TPD52: variants seen among roughly 807,000 people sequenced by gnomAD.
TPD52 encodes tumor protein D52, also known as prostate and colon associated protein.
In TPD52, 17 loss-of-function variants were observed where a neutral mutation model predicts 31.3. That is an observed-to-expected ratio of 0.54 (90% CI 0.37 to 0.82). The LOEUF (loss-of-function observed/expected upper bound fraction) is 0.82. TPD52 is among the 40% of genes least tolerant of loss of function. TPD52 has a pLI of 0.00. For synonymous variants in TPD52, 83 were observed against 89.6 expected (o/e 0.93, Z 0.42); for missense variants, 212 against 240.1 (o/e 0.88, Z 0.77).
At chr8:80,130,024 C>A (rs1385905610) in intron 1 of TPD52, among the ~76,000 whole-genome samples, 1 of 152,140 alleles carries the variant, frequency 6.6e-6, no homozygotes, top group African/African-American at 2.4e-5. Context: ...AAATGATCAT[C>A]CTGGATAAGA....
chr8:80,042,498 A>C, intron 7 of TPD52, 122 bp downstream of exon 7: 1 of 1,473,134 alleles, frequency 6.8e-7, no homozygotes, highest in Non-Finnish European at 9.0e-7. Flanking sequence ...TAAGGAGTAA[A>C]GTTATTTACA....
At chr8:80,136,340 C>T (rs369209515) in intron 1 of TPD52, among the ~76,000 whole-genome samples, 4 of 150,562 alleles carry the variant, frequency 2.7e-5, no homozygotes, top group South Asian at 2.1e-4. Context: ...CTGGCTAACA[C>T]GGTGAAACCC....
intron 2 of TPD52, among the ~76,000 whole-genome samples, chr8:80,058,941 T>C (rs1391594362): frequency 6.6e-6 from 1 of 152,162 alleles, no homozygotes; most frequent in Non-Finnish European, 1.5e-5. Flanking sequence ...TAGAGACGAC[T>C]TGAACAATAC....
chr8:80,065,427 C>G (rs970405774), intron 1 of TPD52, among the ~76,000 whole-genome samples: 1 of 151,910 alleles, frequency 6.6e-6, no homozygotes, highest in Non-Finnish European at 1.5e-5. Context: ...CGCACCCATT[C>G]CCCTTGGAAC....
intron 1 of TPD52, among the ~76,000 whole-genome samples, chr8:80,090,712 A>G (rs978837365): frequency 2.6e-5 from 4 of 152,168 alleles, no homozygotes; most frequent in Admixed American, 6.5e-5. Flanking sequence ...AAGAAAGAAA[A>G]AAAAAAAAAC....
intron 1 of TPD52, among the ~76,000 whole-genome samples, chr8:80,068,893 CT>C (rs2130729561): frequency 6.6e-6 from 1 of 152,318 alleles, no homozygotes; most frequent in East Asian, 1.9e-4. Flanking sequence ...TGGTTATCAC[CT>C]GCAAACATGC....
intron 1 of TPD52, among the ~76,000 whole-genome samples, chr8:80,128,551 C>T (rs1808797743): frequency 6.7e-6 from 1 of 149,844 alleles, no homozygotes; most frequent in South Asian, 2.1e-4. Flanking sequence ...TTCTCAGCTA[C>T]TCAGGAGGCT....
At chr8:80,143,679 G>A (rs1377029789) in intron 1 of TPD52, among the ~76,000 whole-genome samples, 1 of 152,114 alleles carries the variant, frequency 6.6e-6, no homozygotes, top group East Asian at 1.9e-4. Flanking sequence ...GCGACCAACT[G>A]ATCAATCAAA....
At chr8:80,162,129 G>T (rs1252579635) in intron 1 of TPD52, among the ~76,000 whole-genome samples, 1 of 152,118 alleles carries the variant, frequency 6.6e-6, no homozygotes, top group African/African-American at 2.4e-5. Flanking sequence ...TAGCCTGTCT[G>T]AAATCACTAT....
intron 1 of TPD52, among the ~76,000 whole-genome samples, chr8:80,082,320 T>C (rs1306579701): frequency 4.6e-5 from 7 of 152,188 alleles, no homozygotes; most frequent in Admixed American, 6.5e-5. Context: ...AGGAAAGGCA[T>C]TGGAGTTATG....
Position 80,037,973 on chromosome 8 carries a change from C to T in TPD52, c.*143G>A, listed in dbSNP as rs1810024487. The T allele has an allele frequency of 8.6e-7, 1 of 1,169,204 alleles. No individual in the cohort carries two copies. Among genetic ancestry groups the T allele is most frequent in the East Asian group, 2.4e-5 (1 of 41,936 alleles). The allele number at this position is 1,169,204 out of a possible 1,614,324, so 72.4% of individuals were successfully genotyped here. On this transcript the variant is annotated 3_prime_UTR_variant, in exon 8 of 8. Coordinates refer to ENST00000518937, the MANE Select transcript of TPD52 (RefSeq NM_001025253.3). ...GTGAAGATATTTTCATTTTGTTTAA[C>T]CCACAAACTATTTGGTCAAAGGAAT...
intron 1 of TPD52, among the ~76,000 whole-genome samples, chr8:80,117,720 C>CT (rs891040790): frequency 1.5e-5 from 2 of 135,680 alleles, no homozygotes; most frequent in African/African-American, 2.9e-5. Flanking sequence ...CTCATGCTTT[C>CT]TTTTTTTTTC....
chr8:80,100,508 T>G (rs1364857009), intron 1 of TPD52, among the ~76,000 whole-genome samples: 1 of 152,170 alleles, frequency 6.6e-6, no homozygotes, highest in Non-Finnish European at 1.5e-5. Context: ...TGAAACCAGG[T>G]TCATACTGGC....
At position 80,110,076 on chromosome 8, in the gene TPD52, G is replaced by A. The variant is rs934546302; in HGVS notation, c.20-45483C>T. Among the ~76,000 whole-genome samples the A allele has an allele frequency of 3.3e-5, 5 of 152,304 alleles. No individual in the cohort carries two copies. In the South Asian group the frequency reaches 6.2e-4, roughly 19 times the overall value. On this transcript the variant is annotated intron_variant, in intron 1 of 7. Coordinates refer to ENST00000518937, the MANE Select transcript of TPD52 (RefSeq NM_001025253.3). ...ACTGCAAACCAGGAAAATATGCTTA[G>A]AGCTCAAATCTAGAAATCTTCCTGA...
At chr8:80,104,306 T>C (rs564651745) in intron 1 of TPD52, among the ~76,000 whole-genome samples, 1 of 152,330 alleles carries the variant, frequency 6.6e-6, no homozygotes, top group East Asian at 1.9e-4. Context: ...CTTCTCATAA[T>C]AGCATCTCAG....
At chr8:80,082,546 T>C (rs978518252) in intron 1 of TPD52, among the ~76,000 whole-genome samples, 2 of 152,268 alleles carry the variant, frequency 1.3e-5, no homozygotes, top group Non-Finnish European at 2.9e-5. Flanking sequence ...GCCCATGTCC[T>C]TGACCTTTGG....
intron 1 of TPD52, among the ~76,000 whole-genome samples, chr8:80,089,292 A>G (rs538109470): frequency 6.6e-6 from 1 of 152,298 alleles, no homozygotes; most frequent in African/African-American, 2.4e-5. Flanking sequence ...TGAGAAGCCA[A>G]CGTGTGATAC....
At chr8:80,105,813 C>T (rs1313299536) in intron 1 of TPD52, among the ~76,000 whole-genome samples, 1 of 150,220 alleles carries the variant, frequency 6.7e-6, no homozygotes, top group Non-Finnish European at 1.5e-5. Context: ...CTCAATGCAA[C>T]CTCTGCCTCC....
chr8:80,044,355 A>C, intron 5 of TPD52, 147 bp from the exon 6 acceptor site: 1 of 654,096 alleles, frequency 1.5e-6, no homozygotes, highest in Non-Finnish European at 2.6e-6. Flanking sequence ...GGAGGGGATC[A>C]AAGTTATTCC....
Sources: allele counts gnomAD v4.1 joint callset (sites outside exome capture counted in the v4.1 genomes callset), GRCh38; gene constraint gnomAD v4.1.1; transcripts MANE v1.5; gene names NCBI Gene and HGNC (gene_info 2026-07-23, HGNC 2026-07-21).